Variants in UNC5D observed in about 807,000 individuals in gnomAD.
UNC5D encodes unc-5 netrin receptor D.
UNC5D carries 39 observed loss-of-function variants against 105.4 expected under a neutral mutation model. That is an observed-to-expected ratio of 0.37 (90% CI 0.29 to 0.48). UNC5D has a LOEUF of 0.48. Ranked by LOEUF, UNC5D falls within the 20% of genes least tolerant of loss-of-function variation. The pLI is 0.98. For synonymous variants in UNC5D, 452 were observed against 450.4 expected, an observed-to-expected ratio of 1.00 and a Z score of -0.04; for missense variants, 991 against 1,202.4, an observed-to-expected ratio of 0.82 and a Z score of 2.60.
At chr8:35,279,346 G>T (rs1805990930) in intron 1 of UNC5D, among the ~76,000 whole-genome samples, 2 of 152,192 alleles carry the variant, frequency 1.3e-5, no homozygotes, top group Admixed American at 6.5e-5. Context: ...TGGTGAGTTT[G>T]TATTTATAGT....
chr8:35,766,765 A>T, intron 14 of UNC5D, 137 bp from the exon 15 acceptor site: 1 of 1,030,568 alleles, frequency 9.7e-7, no homozygotes, highest in Non-Finnish European at 1.3e-6. Context: ...CTGCCTAGGC[A>T]ATTATCTCTG....
intron 1 of UNC5D, among the ~76,000 whole-genome samples, chr8:35,432,077 G>A (rs894191412): frequency 2.0e-5 from 3 of 152,112 alleles, no homozygotes; most frequent in Non-Finnish European, 4.4e-5. Context: ...TCTGGAGTCA[G>A]TATACCTGAG....
intron 1 of UNC5D, among the ~76,000 whole-genome samples, chr8:35,398,420 G>T (rs1409636064): frequency 6.6e-6 from 1 of 151,948 alleles, no homozygotes; most frequent in Non-Finnish European, 1.5e-5. Flanking sequence ...AGGCTGTGAA[G>T]TTTCAGGAGC....
At chr8:35,666,874 T>G (rs548890896) in intron 4 of UNC5D, among the ~76,000 whole-genome samples, 51 of 152,224 alleles carry the variant, frequency 3.4e-4, no homozygotes, top group African/African-American at 1.1e-3. Flanking sequence ...GAGCCTAGAG[T>G]TTTGACACAG....
chr8:35,759,751 G>A (rs147776387), intron 14 of UNC5D, among the ~76,000 whole-genome samples: 2 of 152,252 alleles, frequency 1.3e-5, no homozygotes, highest in African/African-American at 4.8e-5. Context: ...GGTTGAAGAT[G>A]CCAGTTTAAC....
chr8:35,688,024 C>A (rs1025798447), intron 7 of UNC5D, among the ~76,000 whole-genome samples: 1 of 151,746 alleles, frequency 6.6e-6, no homozygotes, highest in Non-Finnish European at 1.5e-5. Flanking sequence ...CCCAGCTACT[C>A]GGGAGGTTGA....
chr8:35,584,046 A>C (rs1818624360), intron 3 of UNC5D, among the ~76,000 whole-genome samples: 1 of 152,180 alleles, frequency 6.6e-6, no homozygotes. Flanking sequence ...ACCCCCAGGC[A>C]ACATAGACAC....
chr8:35,283,636 A>T (rs1806366020), intron 1 of UNC5D, among the ~76,000 whole-genome samples: 1 of 151,756 alleles, frequency 6.6e-6, no homozygotes. Flanking sequence ...TCTCCTAAAA[A>T]TACTAAAAAA....
chr8:35,437,065 A>G (rs1320938617), intron 1 of UNC5D, among the ~76,000 whole-genome samples: 1 of 151,756 alleles, frequency 6.6e-6, no homozygotes, highest in Admixed American at 6.6e-5. Context: ...GTCTCGAACC[A>G]CTGGGCATAA....
chr8:35,369,617 C>T (rs1003797833), intron 1 of UNC5D, among the ~76,000 whole-genome samples: 3 of 152,136 alleles, frequency 2.0e-5, no homozygotes, highest in South Asian at 2.1e-4. Context: ...CATGTCCATG[C>T]GTAGATGTGT....
chr8:35,515,639 C>T (rs185537513), intron 1 of UNC5D, among the ~76,000 whole-genome samples: 4 of 152,304 alleles, frequency 2.6e-5, no homozygotes, highest in East Asian at 1.9e-4. Flanking sequence ...GAGCCAAGAT[C>T]GTGCCACTGC....
intron 1 of UNC5D, among the ~76,000 whole-genome samples, chr8:35,431,725 G>C (rs972648318): frequency 1.3e-5 from 2 of 152,030 alleles, no homozygotes; most frequent in Admixed American, 1.3e-4. Flanking sequence ...TTCAACATCA[G>C]ATAATGAAAT....
At chr8:35,787,659 C>T (rs1322809898) in intron 16 of UNC5D, among the ~76,000 whole-genome samples, 4 of 152,088 alleles carry the variant, frequency 2.6e-5, no homozygotes, top group African/African-American at 9.7e-5. Flanking sequence ...ACTCTGCTGC[C>T]CAGCCTGGAA....
chr8:35,596,978 T>C (rs1819527105), intron 4 of UNC5D, among the ~76,000 whole-genome samples: 1 of 152,100 alleles, frequency 6.6e-6, no homozygotes, highest in South Asian at 2.1e-4. Flanking sequence ...GACTCTTCTA[T>C]GGGAAGCTAG....
chr8:35,412,440 G>A (rs1185936082), intron 1 of UNC5D, among the ~76,000 whole-genome samples: 1 of 151,566 alleles, frequency 6.6e-6, no homozygotes. Flanking sequence ...TCTGTTGCCT[G>A]GGCCCCTTGC....
intron 1 of UNC5D, among the ~76,000 whole-genome samples, chr8:35,292,882 A>G (rs963291568): frequency 6.6e-6 from 1 of 151,780 alleles, no homozygotes; most frequent in African/African-American, 2.4e-5. Flanking sequence ...ACATGCGGCT[A>G]ATTTTTGATG....
chr8:35,691,796 G>A (rs140380308), intron 7 of UNC5D, among the ~76,000 whole-genome samples: 27 of 152,236 alleles, frequency 1.8e-4, no homozygotes, highest in African/African-American at 5.3e-4. Context: ...AATAAGCTGC[G>A]CATGCCTCAT....
intron 3 of UNC5D, among the ~76,000 whole-genome samples, chr8:35,571,053 A>G (rs1010209523): frequency 2.6e-5 from 4 of 152,060 alleles, no homozygotes; most frequent in Admixed American, 6.6e-5. Flanking sequence ...GGGGTTTGCT[A>G]TGTTGCCCAG....
At chr8:35,339,313 A>G (rs1811281746) in intron 1 of UNC5D, among the ~76,000 whole-genome samples, 1 of 152,352 alleles carries the variant, frequency 6.6e-6, no homozygotes, top group African/African-American at 2.4e-5. Flanking sequence ...TGGAAAAGAT[A>G]GAGAAATAAG....
Sources: allele counts gnomAD v4.1 joint callset (sites outside exome capture counted in the v4.1 genomes callset), GRCh38; gene constraint gnomAD v4.1.1; transcripts MANE v1.5; gene names NCBI Gene and HGNC (gene_info 2026-07-23, HGNC 2026-07-21).